NBAS: variants seen among roughly 807,000 people sequenced by gnomAD.
The protein encoded by NBAS is NAG/BC035112 fusion.
A neutral mutation model predicts 302.5 loss-of-function variants in NBAS; 219 were observed. The ratio of observed to expected loss-of-function variants is 0.72; its 90% CI spans 0.65 to 0.81. The LOEUF (loss-of-function observed/expected upper bound fraction) is 0.81, where lower values mean the gene tolerates loss of function less well. NBAS is among the 30% of genes least tolerant of loss of function. The pLI is 0.00. For missense variants in NBAS, 2,932 were observed against 2,841.6 expected, an observed-to-expected ratio of 1.03 and a Z score of -0.72; for synonymous variants, 1,118 against 1,021.6, an observed-to-expected ratio of 1.09 and a Z score of -1.80.
chr2:15,110,530 GCA>G, the NBAS span, among the ~76,000 whole-genome samples: 1 of 152,136 alleles, frequency 6.6e-6, no homozygotes, highest in Non-Finnish European at 1.5e-5. Flanking sequence ...CATAGAAGTT[GCA>G]GCCTGCTCGC....
At chr2:15,246,464 T>C (rs1287072058) in intron 44 of NBAS, among the ~76,000 whole-genome samples, 1 of 152,222 alleles carries the variant, frequency 6.6e-6, no homozygotes, top group Non-Finnish European at 1.5e-5. Context: ...TGAACAACTC[T>C]GATCAACATA....
the NBAS span, among the ~76,000 whole-genome samples, chr2:15,159,797 A>G: frequency 6.2e-5 from 8 of 128,822 alleles, no homozygotes; most frequent in Non-Finnish European, 9.6e-5. Flanking sequence ...ACACACACAC[A>G]CGCGTGCACA....
At chr2:15,270,220 C>T (rs1380396160) in intron 44 of NBAS, among the ~76,000 whole-genome samples, 1 of 152,184 alleles carries the variant, frequency 6.6e-6, no homozygotes, top group Middle Eastern at 3.4e-3. Context: ...CTCTCTCTGT[C>T]GTGGCACGAT....
intron 44 of NBAS, among the ~76,000 whole-genome samples, chr2:15,263,292 C>T (rs1668931524): frequency 1.3e-5 from 2 of 152,170 alleles, no homozygotes; most frequent in African/African-American, 2.4e-5. Context: ...AGGGTTTTCA[C>T]CACGTTGGCC....
At position 15,330,678 on chromosome 2, in the gene NBAS, T is replaced by C. The variant is rs765369356; in HGVS notation, c.4267A>G (p.Thr1423Ala). The part of the protein sequence containing the change: ...TTMKVLSNTT[T>A]TTKAVLQAVS... ...GCCTGCAGCACCGCTTTGGTGGTGG[T>C]TGTGGTGTTGGAAAGGACTTTCATG... Residue 1423 changes from threonine to alanine, a missense_variant, in exon 36 of 52, where the codon ACC (threonine) becomes GCC (alanine). Physicochemically the swap from Thr to Ala is moderately conservative, Grantham distance 58 (BLOSUM62 0). Coordinates refer to ENST00000281513, the MANE Select transcript of NBAS (RefSeq NM_015909.4). 48 of 1,613,942 alleles carry C rather than the reference T, an allele frequency of 3.0e-5. No homozygotes were observed. Among genetic ancestry groups the C allele is most frequent in the Non-Finnish European group, 3.9e-5 (46 of 1,179,974 alleles).
chr2:15,178,870 T>G, intron 51 of NBAS, 118 bp downstream of exon 51: 1 of 1,416,720 alleles, frequency 7.1e-7, no homozygotes, highest in East Asian at 2.5e-5. Context: ...CAGAGAATAC[T>G]ATAGATATAG....
chr2:15,354,290 A>AC (rs1212333242), intron 33 of NBAS, among the ~76,000 whole-genome samples: 1 of 152,126 alleles, frequency 6.6e-6, no homozygotes, highest in African/African-American at 2.4e-5. Context: ...TGACCGAATC[A>AC]CCCCCCAACT....
the NBAS span, among the ~76,000 whole-genome samples, chr2:14,980,432 A>G: frequency 6.6e-6 from 1 of 152,206 alleles, no homozygotes; most frequent in Non-Finnish European, 1.5e-5. Flanking sequence ...GCCTTGCTCC[A>G]AAAAAACCAG....
intron 21 of NBAS, 32 bp downstream of exon 21, chr2:15,461,169 G>A: frequency 2.5e-6 from 4 of 1,594,656 alleles, no homozygotes; most frequent in Non-Finnish European, 3.4e-6. Context: ...ATATAAAAAA[G>A]AAGGTAAAAT....
the NBAS span, among the ~76,000 whole-genome samples, chr2:15,056,062 G>T: frequency 6.6e-6 from 1 of 150,440 alleles, no homozygotes; most frequent in African/African-American, 2.5e-5. Context: ...AATTAAAAAT[G>T]GATTCAATTA....
chr2:15,545,825 T>C (rs10189180), intron 6 of NBAS, among the ~76,000 whole-genome samples: 97,020 of 152,108 alleles, frequency 0.64, 31,676 homozygotes, highest in Non-Finnish European at 0.68. Context: ...ACCAGGAAGA[T>C]GTTACAAAAG....
the NBAS span, among the ~76,000 whole-genome samples, chr2:15,045,640 C>T: frequency 5.6e-4 from 85 of 152,220 alleles, 1 homozygote; most frequent in Admixed American, 4.3e-3. Flanking sequence ...TGTTTCCATG[C>T]CTTGGCTAAT....
At chr2:15,472,585 C>T (rs573307559) in intron 16 of NBAS, among the ~76,000 whole-genome samples, 13 of 152,272 alleles carry the variant, frequency 8.5e-5, no homozygotes, top group East Asian at 1.9e-4. Context: ...ACTGGCCCCC[C>T]CCAGAAGCAG....
the NBAS span, among the ~76,000 whole-genome samples, chr2:14,790,858 T>G: frequency 6.6e-6 from 1 of 151,838 alleles, no homozygotes; most frequent in African/African-American, 2.4e-5. Context: ...GTTTTGTTTT[T>G]GTTTGGTTTT....
the NBAS span, among the ~76,000 whole-genome samples, chr2:14,925,895 C>T: frequency 6.6e-6 from 1 of 152,276 alleles, no homozygotes; most frequent in African/African-American, 2.4e-5. Flanking sequence ...TTCAACTCAC[C>T]TTTTGGATCA....
chr2:15,381,480 C>T (rs1026123223), intron 29 of NBAS, among the ~76,000 whole-genome samples: 3 of 152,076 alleles, frequency 2.0e-5, no homozygotes, highest in South Asian at 2.1e-4. Context: ...CTAATAAAAA[C>T]GTGTTAAAAT....
chr2:15,504,937 T>C (rs1282041756), intron 10 of NBAS, among the ~76,000 whole-genome samples: 3 of 152,158 alleles, frequency 2.0e-5, no homozygotes, highest in Non-Finnish European at 4.4e-5. Context: ...ATATTCACAA[T>C]AGCCAGAACT....
At chr2:15,178,018 T>G in intron 51 of NBAS, 1 of 366,558 alleles carries the variant, frequency 2.7e-6, no homozygotes, top group South Asian at 2.3e-5. Context: ...TGTAACTATT[T>G]ACAGAATTTT....
chr2:15,319,847 C>T (rs1012714133), intron 38 of NBAS, among the ~76,000 whole-genome samples: 4 of 152,066 alleles, frequency 2.6e-5, no homozygotes, highest in South Asian at 2.1e-4. Flanking sequence ...CCTTCTGAAA[C>T]GATCCCAATC....
Sources: gnomAD v4.1 joint callset for allele counts (sites outside exome capture counted in the v4.1 genomes callset) on GRCh38, gnomAD v4.1.1 for gene constraint, MANE v1.5 for transcripts, NCBI Gene and HGNC (gene_info 2026-07-23, HGNC 2026-07-21) for gene names.